The following SMYD1 variants were observed in gnomAD, a reference collection of about 807,000 sequenced individuals.
SMYD1 encodes SET and MYND domain containing 1.
A neutral mutation model predicts 54.0 loss-of-function variants in SMYD1; 49 were observed. That is an observed-to-expected ratio of 0.91 (90% CI 0.72 to 1.15). SMYD1 has a LOEUF of 1.15. Among genes scored for constraint, SMYD1 ranks in the 50% most tolerant of loss-of-function variants. The pLI is 0.00. For synonymous variants in SMYD1, 269 were observed against 234.2 expected, an observed-to-expected ratio of 1.15 and a Z score of -1.36; for missense variants, 653 against 639.6, an observed-to-expected ratio of 1.02 and a Z score of -0.23.
chr2:88,092,410 T>C (rs993121086), intron 4 of SMYD1, among the ~76,000 whole-genome samples: 2 of 152,190 alleles, frequency 1.3e-5, no homozygotes, highest in African/African-American at 2.4e-5. Flanking sequence ...TAATTGCTTT[T>C]GCTCTTAGAG....
intron 1 of SMYD1, among the ~76,000 whole-genome samples, chr2:88,071,987 G>A (rs1673956767): frequency 8.9e-6 from 1 of 112,402 alleles, no homozygotes; most frequent in African/African-American, 3.4e-5. Flanking sequence ...ATAATTCTCT[G>A]CAATCTTAAC....
rs1474338313 is a variant in SMYD1 at position 88,084,393 on chromosome 2, A to G, written c.215A>G (p.His72Arg). The change falls in exon 2 of 10, where the codon CAT becomes CGT. Residue 72 changes from histidine to arginine, a missense_variant. Transcript: ENST00000419482. ...LHRCGQCKFA[H>R]YCDRTCQKDA... ...CGCTGTGGGCAGTGCAAGTTTGCCC[A>G]TTACTGCGACCGCACCTGCCAGAAG... The G allele has an allele frequency of 1.2e-6, 2 of 1,608,442 alleles. No homozygotes were observed. The highest frequency in any genetic ancestry group is 1.7e-6 in the Non-Finnish European group (2 of 1,175,276).
At chr2:88,106,599 C>A in intron 8 of SMYD1, 111 bp downstream of exon 8, 1 of 1,102,354 alleles carries the variant, frequency 9.1e-7, no homozygotes. Flanking sequence ...CCACAGCAGG[C>A]GTCAGTAATC....
At chr2:88,080,569 T>G (rs1674166770) in intron 1 of SMYD1, among the ~76,000 whole-genome samples, 1 of 152,172 alleles carries the variant, frequency 6.6e-6, no homozygotes, top group East Asian at 1.9e-4. Flanking sequence ...AGCATGATTG[T>G]GCTTGCGTCT....
rs1310446401 is a variant in SMYD1, at chr2:88,112,623, T to G, written c.*2111T>G. Reference sequence around the variant, plus strand: ...TCTGCCTTTCTTCACTTTGCATTTCTTCTTGAATCCATTGCAGATTGACTT... The same window carrying G: ...TCTGCCTTTCTTCACTTTGCATTTCGTCTTGAATCCATTGCAGATTGACTT... On this transcript the variant is annotated 3_prime_UTR_variant, in exon 10 of 10. Coordinates refer to ENST00000419482, the MANE Select transcript of SMYD1 (RefSeq NM_198274.4). The G allele has an allele frequency of 1.9e-5, 3 of 157,720 alleles. No individual in the cohort carries two copies. The highest frequency in any genetic ancestry group is 7.2e-5 in the African/African-American group (3 of 41,556). The allele number at this position is 157,720 out of a possible 1,614,324, so 9.8% of individuals were successfully genotyped here.
At chr2:88,075,038 G>A (rs941507682) in intron 1 of SMYD1, among the ~76,000 whole-genome samples, 2 of 152,200 alleles carry the variant, frequency 1.3e-5, no homozygotes, top group African/African-American at 2.4e-5. Context: ...AAAAGGATTA[G>A]AGAAATTCCG....
chr2:88,075,898 A>T (rs1188283465), intron 1 of SMYD1, among the ~76,000 whole-genome samples: 1 of 152,116 alleles, frequency 6.6e-6, no homozygotes, highest in Non-Finnish European at 1.5e-5. Context: ...GAATCTCATG[A>T]TCTCATCCAA....
Position 88,112,272 on chromosome 2 carries a change from C to G in SMYD1, c.*1760C>G, listed in dbSNP as rs777621255. On this transcript the variant is annotated 3_prime_UTR_variant, in exon 10 of 10. Coordinates refer to ENST00000419482, the MANE Select transcript of SMYD1 (RefSeq NM_198274.4). ...TTCTTTGTCATTGTTATCTGCTAAG[C>G]CCCTGGTCATTTCCCCATATTCGTA... The G allele has an allele frequency of 1.5e-6, 1 of 654,080 alleles. No homozygotes were observed. The highest frequency in any genetic ancestry group is 2.8e-6 in the Non-Finnish European group (1 of 361,256). 40.5% of individuals were successfully genotyped at this position (654,080 alleles called of 1,614,324 possible).
chr2:88,087,913 G>T lies in SMYD1; in HGVS notation c.366G>T (p.Thr122=). The stretch of plus-strand genomic sequence containing the variant: ...TGGAGAGAGAAGGCACCGGGCTCAC[G>T]GAGGGCTGCCTGGTGTCCGTGGACG... ...WRVEREGTGL[T]EGCLVSVDDL... The change falls in exon 3 of 10, where the codon ACG becomes ACT. Residue 122 remains threonine, a synonymous_variant. Coordinates refer to ENST00000419482, the MANE Select transcript of SMYD1 (RefSeq NM_198274.4). 6.2e-7 allele frequency: 1 copy of T among 1,612,488 alleles called. No homozygotes were observed. The highest frequency in any genetic ancestry group is 8.5e-7 in the Non-Finnish European group (1 of 1,179,224).
chr2:88,084,612 A>G, intron 2 of SMYD1, 120 bp downstream of exon 2: 1 of 920,422 alleles, frequency 1.1e-6, no homozygotes, highest in South Asian at 2.0e-5. Context: ...AAACAGCCTC[A>G]AAGACTGGAT....
chr2:88,078,067 G>A (rs995486297), intron 1 of SMYD1, among the ~76,000 whole-genome samples: 4 of 152,124 alleles, frequency 2.6e-5, no homozygotes, highest in Non-Finnish European at 5.9e-5. Flanking sequence ...GTCCCCATAC[G>A]ATGTTCTCCT....
At chr2:88,101,379 A>G (rs1674717198) in intron 6 of SMYD1, among the ~76,000 whole-genome samples, 1 of 152,204 alleles carries the variant, frequency 6.6e-6, no homozygotes, top group South Asian at 2.1e-4. Flanking sequence ...TAAAATGATG[A>G]TATAGATAGT....
At chr2:88,095,320 G>A (rs143490108) in intron 5 of SMYD1, among the ~76,000 whole-genome samples, 108 of 152,332 alleles carry the variant, frequency 7.1e-4, no homozygotes, top group African/African-American at 2.5e-3. Context: ...AGGCTCCACA[G>A]GAGTTGTTTT....
Position 88,094,102 on chromosome 2 carries a change from T to TTCCCTC in SMYD1, c.698+547_698+548insTCCCTC, listed in dbSNP as rs11280867. Among the ~76,000 whole-genome samples, 1,036 of 151,582 alleles carry TTCCCTC rather than the reference T, an allele frequency of 6.8e-3. 13 individuals carry two copies. The highest frequency in any genetic ancestry group is 0.023 in the African/African-American group (961 of 41,318). ...CAACCAAATGGCCCCAGATGGGTCT[T>TTCCCTC]AGGGTGGGGTTGACAGCTCTTGAAA... On this transcript the variant is annotated intron_variant, in intron 5 of 9. Transcript: ENST00000419482.
intron 7 of SMYD1, among the ~76,000 whole-genome samples, chr2:88,103,644 G>A (rs1674780297): frequency 1.3e-5 from 2 of 152,024 alleles, no homozygotes; most frequent in African/African-American, 4.8e-5. Context: ...CCCCCACTCA[G>A]GACAATTTCA....
chr2:88,104,445 T>C (rs918512315), intron 7 of SMYD1, among the ~76,000 whole-genome samples: 3 of 152,214 alleles, frequency 2.0e-5, no homozygotes, highest in African/African-American at 7.2e-5. Context: ...GGAAAATCTG[T>C]CAGAGGCACG....
chr2:88,080,402 T>G (rs1674161932), intron 1 of SMYD1, among the ~76,000 whole-genome samples: 1 of 152,240 alleles, frequency 6.6e-6, no homozygotes, highest in African/African-American at 2.4e-5. Flanking sequence ...AATATATGTA[T>G]ATGAATAAAA....
chr2:88,093,381 A>G, intron 4 of SMYD1, 136 bp from the exon 5 acceptor site: 6 of 980,096 alleles, frequency 6.1e-6, no homozygotes, highest in Non-Finnish European at 9.7e-6. Context: ...TCCAGCTAGA[A>G]GGGGCTAGGA....
Position 88,087,921 on chromosome 2 carries a change from G to A in SMYD1, c.374G>A (p.Cys125Tyr). The change falls in exon 3 of 10, where the codon TGC (cysteine) becomes TAC (tyrosine). Residue 125 changes from cysteine to tyrosine, a missense_variant. Transcript: ENST00000419482. ...EREGTGLTEG[C>Y]LVSVDDLQNH... is the part of the protein sequence containing the mutation. ...GAAGGCACCGGGCTCACGGAGGGCT[G>A]CCTGGTGTCCGTGGACGACTTGCAG... The A allele has an allele frequency of 1.2e-6, 2 of 1,613,500 alleles. No homozygotes were observed. Among genetic ancestry groups the A allele is most frequent in the African/African-American group, 2.7e-5 (2 of 75,054 alleles).
Sources: gnomAD v4.1 joint callset for allele counts (sites outside exome capture counted in the v4.1 genomes callset) on GRCh38, gnomAD v4.1.1 for gene constraint, MANE v1.5 for transcripts, NCBI Gene and HGNC (gene_info 2026-07-23, HGNC 2026-07-21) for gene names.